The following RTKN variants were observed in gnomAD, a reference collection of about 807,000 sequenced individuals.
The protein encoded by RTKN is rhotekin.
In RTKN, 49 loss-of-function variants were observed where a neutral mutation model predicts 63.5. The ratio of observed to expected loss-of-function variants is 0.77; its 90% CI spans 0.61 to 0.98. The LOEUF is 0.98. Ranked by LOEUF, RTKN falls within the 50% of genes least tolerant of loss-of-function variation. RTKN has a pLI of 0.00. For missense variants in RTKN, 685 were observed against 740.8 expected (o/e 0.92, Z 0.87); for synonymous variants, 295 against 290.4 (o/e 1.02, Z -0.16).
At chr2:74,429,654 A>G (rs1670621335) in intron 6 of RTKN, among the ~76,000 whole-genome samples, 174 bp downstream of exon 6, 1 of 152,252 alleles carries the variant, frequency 6.6e-6, no homozygotes, top group South Asian at 2.1e-4. Context: ...GCTTCAGCCC[A>G]GCTCTGGGGC....
intron 9 of RTKN, chr2:74,427,955 G>T: frequency 2.0e-6 from 1 of 497,180 alleles, no homozygotes; most frequent in Non-Finnish European, 3.6e-6. Context: ...GGAGAGAAAT[G>T]GGAAGTGGTA....
chr2:74,435,717 T>G (rs751894135), intron 1 of RTKN, among the ~76,000 whole-genome samples: 10 of 152,212 alleles, frequency 6.6e-5, no homozygotes, highest in Admixed American at 1.3e-4. Context: ...GGGGAACTAA[T>G]GTGACCACTC....
chr2:74,441,768 C>G lies in RTKN; in HGVS notation c.49G>C (p.Ala17Pro). 6.2e-7 allele frequency: 1 copy of G among 1,612,074 alleles called. No individual in the cohort carries two copies. The highest frequency in any genetic ancestry group is 1.1e-5 in the South Asian group (1 of 90,640). The change falls in exon 1 of 12, where the codon GCC becomes CCC. Residue 17 changes from alanine to proline, a missense_variant. Physicochemically the swap from Ala to Pro is conservative, Grantham distance 27. Transcript: ENST00000272430. Reference protein sequence around the residue: ...RSRVTVARGSALEMEFKRGRF... With the variant: ...RSRVTVARGSPLEMEFKRGRF... ...CCGCGTTTGAACTCCATCTCCAGGG[C>G]GGAGCCCCTGGCCACGGTGACCCGG...
chr2:74,434,509 A>G (rs1670949097), intron 1 of RTKN, among the ~76,000 whole-genome samples: 2 of 151,848 alleles, frequency 1.3e-5, no homozygotes, highest in South Asian at 4.2e-4. Context: ...CAAACTCCCG[A>G]CCTCAGGTGA....
chr2:74,426,774 G>T (rs533522666), intron 11 of RTKN, 200 bp from the exon 12 acceptor site: 5 of 1,365,718 alleles, frequency 3.7e-6, no homozygotes, highest in Middle Eastern at 5.4e-4. Flanking sequence ...GGGACATGGG[G>T]CACAAGGTAG....
intron 1 of RTKN, among the ~76,000 whole-genome samples, chr2:74,435,951 CTT>C (rs1295197924): frequency 6.6e-6 from 1 of 152,224 alleles, no homozygotes; most frequent in Non-Finnish European, 1.5e-5. Flanking sequence ...ACCCGTTTTC[CTT>C]CTGTAATAAG....
In RTKN at chr2:74,440,061, C is replaced by A. The variant is rs565721737; in HGVS notation, c.111+1645G>T. On this transcript the variant is annotated intron_variant, in intron 1 of 11. Transcript: ENST00000272430. Reference sequence around the variant, plus strand: ...ATCCCTGGCCTGGTGGACAGGGAATCTGTGTGCGGAGAGGGCAGTGAGGGG... The same window carrying A: ...ATCCCTGGCCTGGTGGACAGGGAATATGTGTGCGGAGAGGGCAGTGAGGGG... The A allele has an allele frequency of 9.5e-6, 9 of 951,752 alleles. No homozygotes were observed. In the South Asian group the frequency reaches 3.7e-4, roughly 39 times the overall value. 59.0% of individuals were successfully genotyped at this position (951,752 alleles called of 1,614,324 possible).
At chr2:74,432,699 A>T (rs2103899676) in intron 1 of RTKN, 33 bp from the exon 2 acceptor site, 2 of 1,606,106 alleles carry the variant, frequency 1.2e-6, no homozygotes, top group East Asian at 4.5e-5. Context: ...TGAGAAGGAA[A>T]TGTCAGTCAG....
chr2:74,430,546 G>A (rs777829009), intron 3 of RTKN, 28 bp from the exon 4 acceptor site: 8 of 1,613,784 alleles, frequency 5.0e-6, no homozygotes, highest in East Asian at 4.5e-5. Flanking sequence ...AAGAATAGAT[G>A]TTGAGATGGG....
In RTKN at chr2:74,426,317, G is replaced by A; in HGVS notation, c.1618C>T (p.Pro540Ser). The change falls in exon 12 of 12, where the codon CCT (proline) becomes TCT (serine). Residue 540 changes from proline (P) to serine (S), a missense_variant. By Grantham distance (74) the Pro-to-Ser change is moderately conservative. Transcript: ENST00000272430. Reference protein sequence around the residue: ...PRARSVAPLPPQRSPRTRGLC... With the variant: ...PRARSVAPLPSQRSPRTRGLC... ...CCTCTGGTCCGTGGGGATCGCTGAGGTGGGAGGGGGGCAACCGAGCGAGCC... is the reference window on the plus strand; with the variant it reads ...CCTCTGGTCCGTGGGGATCGCTGAGATGGGAGGGGGGCAACCGAGCGAGCC... 6.2e-7 allele frequency: 1 copy of A among 1,613,982 alleles called. No individual in the cohort carries two copies. Among genetic ancestry groups the A allele is most frequent in the Non-Finnish European group, 8.5e-7 (1 of 1,179,942 alleles).
intron 1 of RTKN, chr2:74,440,688 G>A (rs921779319): frequency 1.5e-5 from 7 of 454,452 alleles, no homozygotes; most frequent in Non-Finnish European, 2.0e-5. Context: ...CGGGTTCCTC[G>A]GGCCCAGTCG....
chr2:74,429,027 T>A, intron 6 of RTKN, 85 bp from the exon 7 acceptor site: 2 of 1,062,004 alleles, frequency 1.9e-6, no homozygotes, highest in Non-Finnish European at 2.9e-6. Flanking sequence ...TCTGCCCCAT[T>A]GTTCAGACTG....
rs1671087736 is a variant in RTKN, at chr2:74,436,826, G to GA, written c.112-4161dup. 6.6e-6 allele frequency among the ~76,000 whole-genome samples: 1 copy of GA among 152,144 alleles called. No homozygotes were observed. Among genetic ancestry groups the GA allele is most frequent in the African/African-American group, 2.4e-5 (1 of 41,436 alleles). ...ACTGGGAATCCTGGCTCAGGATCTG[G>GA]ACCCTTGTGCTTCTAGCGTTTCCCC... On this transcript the variant is annotated intron_variant, in intron 1 of 11. Coordinates refer to ENST00000272430, the MANE Select transcript of RTKN (RefSeq NM_001015055.2). The surrounding 1 kb of genome is among the most constrained non-coding windows in gnomAD (Gnocchi z 4.3).
At chr2:74,440,235 G>T in intron 1 of RTKN, 1 of 550,442 alleles carries the variant, frequency 1.8e-6, no homozygotes, top group Non-Finnish European at 2.3e-6. Context: ...GACCTCAGGG[G>T]AGAGTGAGCC....
At position 74,427,606 on chromosome 2, in the gene RTKN, A is replaced by G. The variant is rs1670480958; in HGVS notation, c.1087-14T>C. 6.2e-7 allele frequency: 1 copy of G among 1,610,796 alleles called. No individual in the cohort carries two copies. Among genetic ancestry groups the G allele is most frequent in the Non-Finnish European group, 8.5e-7 (1 of 1,179,312 alleles). The stretch of plus-strand genomic sequence containing the variant: ...GACTCGAGTCTCCTGCAGGAGAAAG[A>G]AGAGGTCTACCTTGGTCACAGAAGT... On this transcript the variant is annotated splice_polypyrimidine_tract_variant and intron_variant, in intron 9 of 11. Transcript: ENST00000272430.
intron 1 of RTKN, among the ~76,000 whole-genome samples, chr2:74,434,791 A>T (rs189471472): frequency 9.2e-5 from 14 of 151,588 alleles, no homozygotes; most frequent in Non-Finnish European, 7.4e-5. Flanking sequence ...TTTGGAGTTT[A>T]AAAAAAAATG....
In RTKN at chr2:74,427,536, T is replaced by G; in HGVS notation, c.1143A>C (p.Leu381=). The change falls in exon 10 of 12, where the codon CTA becomes CTC. Residue 381 remains leucine, a synonymous_variant. Coordinates refer to ENST00000272430, the MANE Select transcript of RTKN (RefSeq NM_001015055.2). ...LDQALGRPFT[L]SISNQYGDDE... is the part of the protein sequence containing the mutation. ...CATCCCCATACTGGTTACTGATGCT[T>G]AGGGTGAAGGGCCGTCCTAGAGCCT... 1 of 1,614,040 alleles carries G rather than the reference T, an allele frequency of 6.2e-7. No homozygotes were observed. Among genetic ancestry groups the G allele is most frequent in the South Asian group, 1.1e-5 (1 of 91,068 alleles).
chr2:74,435,995 G>A (rs1211743456), intron 1 of RTKN, among the ~76,000 whole-genome samples: 1 of 152,158 alleles, frequency 6.6e-6, no homozygotes, highest in African/African-American at 2.4e-5. Context: ...TCACCAGGAA[G>A]CCCTTTCAGA....
intron 1 of RTKN, among the ~76,000 whole-genome samples, chr2:74,438,111 C>CT (rs1671155551): frequency 1.3e-5 from 2 of 152,300 alleles, no homozygotes; most frequent in South Asian, 4.1e-4. Context: ...GATCTAGACT[C>CT]TTTGCAGTCC....
Sources: allele counts gnomAD v4.1 joint callset (sites outside exome capture counted in the v4.1 genomes callset), GRCh38; gene constraint gnomAD v4.1.1; non-coding constraint Gnocchi (gnomAD v3.1); transcripts MANE v1.5; gene names NCBI Gene and HGNC (gene_info 2026-07-23, HGNC 2026-07-21).